The following IGSF22 variants were observed in gnomAD, a reference collection of about 807,000 sequenced individuals.
The protein encoded by IGSF22 is immunoglobulin superfamily member 22.
In IGSF22, 119 loss-of-function variants were observed where a neutral mutation model predicts 127.0. The observed-to-expected ratio is 0.94, with a 90% CI of 0.81 to 1.09. The LOEUF (loss-of-function observed/expected upper bound fraction) is 1.09, where lower values mean the gene tolerates loss of function less well. Among genes scored for constraint, IGSF22 ranks in the 50% least tolerant of loss-of-function variants. The pLI is 0.00. For missense variants in IGSF22, 1,518 were observed against 1,716.6 expected (o/e 0.88, Z 2.04); for synonymous variants, 568 against 664.7 (o/e 0.85, Z 2.24).
At chr11:18,711,937 G>C (rs1848364310) in intron 15 of IGSF22, 145 bp downstream of exon 15, 2 of 710,644 alleles carry the variant, frequency 2.8e-6, no homozygotes, top group Admixed American at 5.8e-5. Context: ...ATGATGTTCT[G>C]TTTTTACTCT....
chr11:18,707,656 T>G (rs745453803), intron 20 of IGSF22, 148 bp downstream of exon 20: 65 of 654,684 alleles, frequency 9.9e-5, no homozygotes, highest in Non-Finnish European at 1.5e-4. Context: ...ATACTCTGTA[T>G]GATAAAGTCT....
intron 10 of IGSF22, 152 bp from the exon 11 acceptor site, chr11:18,715,868 A>G: frequency 1.2e-6 from 1 of 861,610 alleles, no homozygotes; most frequent in South Asian, 1.7e-5. Context: ...TGACTCACAG[A>G]AGTACCCGAC....
intron 20 of IGSF22, 30 bp downstream of exon 20, chr11:18,707,774 G>A: frequency 1.9e-6 from 3 of 1,540,070 alleles, no homozygotes; most frequent in Non-Finnish European, 2.6e-6. Flanking sequence ...ACAGGGATGG[G>A]TCTTGGAGGC....
In IGSF22 at chr11:18,718,714, C is replaced by T. The variant is rs1269682584; in HGVS notation, c.711G>A (p.Leu237=). 6.8e-6 allele frequency: 11 copies of T among 1,609,462 alleles called. No homozygotes were observed. The highest frequency in any genetic ancestry group is 8.5e-6 in the Non-Finnish European group (10 of 1,176,138). ...TGGTCTCTTTGTCTTCCAGGGGCTT[C>T]AGAATCCGGATGGCCTGAGAGATTA... is the stretch of plus-strand genomic sequence containing the variant. The part of the protein sequence containing the change: ...KKVEVEAIRI[L]KPLEDKETKV... Residue 237 remains leucine, a synonymous_variant, in exon 8 of 23, where the codon CTG becomes CTA. Coordinates refer to ENST00000513874, the MANE Select transcript of IGSF22 (RefSeq NM_173588.4).
intron 5 of IGSF22, 38 bp from the exon 6 acceptor site, chr11:18,720,141 G>A (rs775657458): frequency 1.7e-5 from 27 of 1,613,718 alleles, no homozygotes; most frequent in Middle Eastern, 1.6e-4. Context: ...GACAGGGGGA[G>A]TCTGGTCCCT....
chr11:18,712,889 C>T (rs919655794), intron 14 of IGSF22, among the ~76,000 whole-genome samples: 1 of 152,186 alleles, frequency 6.6e-6, no homozygotes, highest in African/African-American at 2.4e-5. Flanking sequence ...GATGGAAATG[C>T]AGGTAGAGGA....
At position 18,716,196 on chromosome 11, in the gene IGSF22, G is replaced by A. The variant is rs1848460676; in HGVS notation, c.1247-480C>T. On this transcript the variant is annotated intron_variant, in intron 10 of 22. Coordinates refer to ENST00000513874, the MANE Select transcript of IGSF22 (RefSeq NM_173588.4). This position sits in a 1 kb window ranked among gnomAD's most constrained non-coding sequence, Gnocchi z 4.5. ...CTCCTTTTAGTTCTTGGTAAAGCTC[G>A]GACATCATTTCATTATATCATTTCT... Among the ~76,000 whole-genome samples, 1 of 152,012 alleles carries A rather than the reference G, an allele frequency of 6.6e-6. No individual in the cohort carries two copies. Among genetic ancestry groups the A allele is most frequent in the Non-Finnish European group, 1.5e-5 (1 of 68,006 alleles).
In IGSF22 at chr11:18,706,044, T is replaced by C. The variant is rs1848221118; in HGVS notation, c.3683A>G (p.Gln1228Arg). 1 of 1,551,286 alleles carries C rather than the reference T, an allele frequency of 6.4e-7. No homozygotes were observed. The highest frequency in any genetic ancestry group is 1.4e-5 in the African/African-American group (1 of 73,048). The change falls in exon 22 of 23, where the codon CAG (glutamine) becomes CGG (arginine). Residue 1228 changes from glutamine (Q) to arginine (R), a missense_variant. This residue lies in a region of IGSF22 where 1,456 missense variants were observed against 1,644.9 expected (regional missense o/e 0.89). Transcript: ENST00000513874. ...GAAGGCGCAGGTCATGGTGCAGTCC[T>C]GGCCGCGGAGCACCGTGTGTGGCTT... ...PLKPHTVLRG[Q>R]DCTMTCAFLG...
Position 18,718,660 on chromosome 11 carries a change from G to A in IGSF22, c.765C>T (p.Cys255=), listed in dbSNP as rs1848507656. 6.2e-7 allele frequency: 1 copy of A among 1,613,512 alleles called. No individual in the cohort carries two copies. The highest frequency in any genetic ancestry group is 1.1e-5 in the South Asian group (1 of 91,082). The change falls in exon 8 of 23, where the codon TGC becomes TGT. Residue 255 remains cysteine, a synonymous_variant. Transcript: ENST00000513874. ...CATTGGGGTCTTTCAGTTCCATTAT[G>A]CAGTCAAAGACCACTGTGGTGTCAA... The part of the protein sequence containing the change: ...TKVDTTVVFD[C]IMELKDPNVK...
rs889298743 is a variant in IGSF22 at position 18,714,163 on chromosome 11, G to A, written c.1799-15C>T. 19 of 1,601,654 alleles carry A rather than the reference G, an allele frequency of 1.2e-5. No homozygotes were observed. Among genetic ancestry groups the A allele is most frequent in the Non-Finnish European group, 9.4e-6 (11 of 1,172,578 alleles). On this transcript the variant is annotated splice_polypyrimidine_tract_variant and intron_variant, in intron 13 of 22. Coordinates refer to ENST00000513874, the MANE Select transcript of IGSF22 (RefSeq NM_173588.4). ...GGTAGGAGGATCTGTGGGGCGGGGC[G>A]GCAGGGAAGGCTTGAGCATTGGCAT...
intron 22 of IGSF22, 67 bp from the exon 23 acceptor site, chr11:18,704,605 G>A (rs902206190): frequency 5.3e-5 from 54 of 1,022,754 alleles, no homozygotes; most frequent in Non-Finnish European, 7.4e-5. Context: ...CCAAACTGCT[G>A]GACTTCCTAT....
chr11:18,719,790 T>A lies in IGSF22; in HGVS notation c.622A>T (p.Met208Leu), dbSNP rs776299464. ...VPKKDFEKVC[M>L]EYGFTDFRGL... ...CGAAAGTCGGTGAAACCATACTCCA[T>A]GCACACCTTCTCAAAGTCTTTCTTG... is the stretch of plus-strand genomic sequence containing the variant. The change falls in exon 7 of 23, where the codon ATG becomes TTG. Residue 208 changes from methionine (M) to leucine (L), a missense_variant. Around this residue, in one of 3 missense-constraint regions of IGSF22, gnomAD observed 1,456 missense variants for 1,644.9 expected, o/e 0.89. Transcript: ENST00000513874. The A allele has an allele frequency of 6.2e-7, 1 of 1,614,100 alleles. No individual in the cohort carries two copies. Among genetic ancestry groups the A allele is most frequent in the African/African-American group, 1.3e-5 (1 of 74,946 alleles).
Position 18,721,987 on chromosome 11 carries a change from G to C in IGSF22, c.164C>G (p.Thr55Ser), listed in dbSNP as rs1370390677. 14 of 1,614,072 alleles carry C rather than the reference G, an allele frequency of 8.7e-6. No homozygotes were observed. Among genetic ancestry groups the C allele is most frequent in the Non-Finnish European group, 1.2e-5 (14 of 1,180,038 alleles). ...SSIVEFFSLV[T>S]RSSNIPAGDS... ...GCCCGCAGGGATGTTTGAGCTCCGG[G>C]TCACTAAGCTGAAGAACTCCACTAT... The change falls in exon 3 of 23, where the codon ACC becomes AGC. Residue 55 changes from threonine (T) to serine (S), a missense_variant. Thr to Ser is a moderately conservative substitution (Grantham distance 58). Around this residue, in one of 3 missense-constraint regions of IGSF22, gnomAD observed 1,456 missense variants for 1,644.9 expected, o/e 0.89. Transcript: ENST00000513874.
At chr11:18,720,988 C>T (rs552354877) in intron 4 of IGSF22, among the ~76,000 whole-genome samples, 1 of 152,286 alleles carries the variant, frequency 6.6e-6, no homozygotes, top group South Asian at 2.1e-4. Context: ...GTGATCCATC[C>T]CTCCCTTTCC....
At chr11:18,721,739 G>A (rs74469339) in intron 3 of IGSF22, 68 bp from the exon 4 acceptor site, 13 of 1,602,638 alleles carry the variant, frequency 8.1e-6, no homozygotes, top group Non-Finnish European at 1.1e-5. Flanking sequence ...ACCCTCTGCC[G>A]GCTCTCTGCC....
At position 18,707,946 on chromosome 11, in the gene IGSF22, C is replaced by T; in HGVS notation, c.3138G>A (p.Lys1046=). 1 of 1,614,178 alleles carries T rather than the reference C, an allele frequency of 6.2e-7. No individual in the cohort carries two copies. Among genetic ancestry groups the T allele is most frequent in the South Asian group, 1.1e-5 (1 of 91,082 alleles). ...VIWQKDGVPT[K]GRETITKSKN... ...TGCTCTTGGTAATTGTCTCTCGGCC[C>T]TTGGTGGGAACGCCATCTTTCTGCC... Residue 1046 remains lysine, a synonymous_variant, in exon 20 of 23, where the codon AAG becomes AAA. Coordinates refer to ENST00000513874, the MANE Select transcript of IGSF22 (RefSeq NM_173588.4).
At chr11:18,722,304 TA>T (rs1848589070) in intron 2 of IGSF22, among the ~76,000 whole-genome samples, 1 of 16,622 alleles carries the variant, frequency 6.0e-5, no homozygotes, top group Admixed American at 1.2e-3. Flanking sequence ...CCCTGAGTCC[TA>T]ATTTTTTTTT....
chr11:18,714,334 C>G lies in IGSF22; in HGVS notation c.1741G>C (p.Gly581Arg), dbSNP rs1201840520. The G allele has an allele frequency of 6.2e-7, 1 of 1,614,238 alleles. No individual in the cohort carries two copies. The highest frequency in any genetic ancestry group is 1.1e-5 in the South Asian group (1 of 91,086). The change falls in exon 13 of 23, where the codon GGC becomes CGC. Residue 581 changes from glycine (G) to arginine (R), a missense_variant. Gly to Arg is a moderately radical substitution (Grantham distance 125). Transcript: ENST00000513874. ...IFPSMGPEHEGKYTFRAKGTE... is the reference protein window; with the variant it reads ...IFPSMGPEHERKYTFRAKGTE... ...CCCTTGGCCCGGAATGTGTACTTGC[C>G]CTCGTGCTCAGGGCCCATACTGGGA...
At chr11:18,712,019 C>T in intron 15 of IGSF22, 63 bp downstream of exon 15, 1 of 1,391,744 alleles carries the variant, frequency 7.2e-7, no homozygotes, top group Non-Finnish European at 9.8e-7. Context: ...GTGTTCCTTC[C>T]TGGCTTAAGG....
Sources: allele counts gnomAD v4.1 joint callset (sites outside exome capture counted in the v4.1 genomes callset), GRCh38; gene constraint gnomAD v4.1.1; regional missense constraint gnomAD v4.1.1; non-coding constraint Gnocchi (gnomAD v3.1); transcripts MANE v1.5; gene names NCBI Gene and HGNC (gene_info 2026-07-23, HGNC 2026-07-21).